Variants in CCDC171 observed in about 807,000 individuals in gnomAD.
The protein encoded by CCDC171 is coiled-coil domain containing 171.
CCDC171 carries 177 observed loss-of-function variants against 168.2 expected under a neutral mutation model. That is an observed-to-expected ratio of 1.05 (90% CI 0.93 to 1.19). The LOEUF is 1.19. Ranked by LOEUF, CCDC171 falls within the 50% of genes most tolerant of loss-of-function variation. The pLI, the probability that CCDC171 is intolerant of heterozygous loss-of-function variation, is 0.00. For missense variants in CCDC171, 1,991 were observed against 1,539.0 expected (o/e 1.29, Z -4.91); for synonymous variants, 687 against 540.8 (o/e 1.27, Z -3.75).
downstream of CCDC171, among the ~76,000 whole-genome samples, chr9:16,062,972 G>A (rs1319901383): frequency 6.6e-6 from 1 of 152,148 alleles, no homozygotes; most frequent in Non-Finnish European, 1.5e-5. Flanking sequence ...GATGGGGCCA[G>A]GAGAGGAAGA....
At chr9:15,734,503 A>T (rs140797204) in intron 16 of CCDC171, among the ~76,000 whole-genome samples, 1 of 152,242 alleles carries the variant, frequency 6.6e-6, no homozygotes, top group African/African-American at 2.4e-5. Context: ...GCGCCATTTC[A>T]CTCCAGCCTG....
At chr9:15,894,166 T>C (rs190897273) in intron 24 of CCDC171, among the ~76,000 whole-genome samples, 4 of 152,262 alleles carry the variant, frequency 2.6e-5, no homozygotes, top group South Asian at 2.1e-4. Context: ...CTTAACAAAC[T>C]AACATAGGAA....
At chr9:15,655,922 G>A (rs560147398) in intron 7 of CCDC171, among the ~76,000 whole-genome samples, 10 of 152,258 alleles carry the variant, frequency 6.6e-5, no homozygotes, top group South Asian at 2.1e-4. Flanking sequence ...GAAAATGACC[G>A]TAGCAAGTGT....
intron 25 of CCDC171, among the ~76,000 whole-genome samples, chr9:15,932,332 G>C (rs1826627009): frequency 6.6e-6 from 1 of 151,566 alleles, no homozygotes; most frequent in Non-Finnish European, 1.5e-5. Flanking sequence ...TCACATCTTT[G>C]GTTACGTTGC....
At chr9:16,091,252 G>C in the CCDC171 span, among the ~76,000 whole-genome samples, 1 of 152,186 alleles carries the variant, frequency 6.6e-6, no homozygotes, top group African/African-American at 2.4e-5. Context: ...GAAGAGATAA[G>C]AGCCATTTTT....
At chr9:15,899,039 C>A (rs1377052255) in intron 24 of CCDC171, among the ~76,000 whole-genome samples, 5 of 152,134 alleles carry the variant, frequency 3.3e-5, no homozygotes, top group Admixed American at 3.3e-4. Context: ...TTTGTCATTT[C>A]AATAATGTAA....
intron 8 of CCDC171, among the ~76,000 whole-genome samples, chr9:15,660,889 A>AC (rs1210349492): frequency 6.6e-6 from 1 of 152,174 alleles, no homozygotes; most frequent in Non-Finnish European, 1.5e-5. Context: ...TCTTTGAGAA[A>AC]TCTCCACTCC....
chr9:15,571,623 G>C lies in CCDC171; in HGVS notation c.42-1G>C, dbSNP rs1461304398. The stretch of plus-strand genomic sequence containing the variant: ...CATTTTACTGTAATCTCATTTTAAA[G>C]GTTGAAGATTGCCTCATTGGATGTA... On this transcript the variant is annotated splice_acceptor_variant, in intron 2 of 25. Coordinates refer to ENST00000380701, the MANE Select transcript of CCDC171 (RefSeq NM_173550.4). LOFTEE classifies it high-confidence loss of function. 6.5e-7 allele frequency: 1 copy of C among 1,542,150 alleles called. No individual in the cohort carries two copies. The highest frequency in any genetic ancestry group is 2.4e-5 in the Admixed American group (1 of 42,552).
At chr9:15,575,996 G>A (rs763108433) in intron 3 of CCDC171, among the ~76,000 whole-genome samples, 5 of 151,950 alleles carry the variant, frequency 3.3e-5, no homozygotes, top group Non-Finnish European at 7.4e-5. Context: ...GGTGGCTGAG[G>A]TGGGAGACTC....
intron 23 of CCDC171, among the ~76,000 whole-genome samples, chr9:15,864,624 A>G (rs1328424658): frequency 6.6e-6 from 1 of 152,060 alleles, no homozygotes; most frequent in Non-Finnish European, 1.5e-5. Context: ...AAGTATTTCT[A>G]TTGTGTGGGG....
At chr9:15,786,102 A>G (rs1257290673) in intron 21 of CCDC171, among the ~76,000 whole-genome samples, 6 of 152,144 alleles carry the variant, frequency 3.9e-5, no homozygotes, top group Non-Finnish European at 8.8e-5. Flanking sequence ...ATGTTTTTCC[A>G]AATACATGTA....
intron 18 of CCDC171, among the ~76,000 whole-genome samples, chr9:15,772,129 T>C (rs752476133): frequency 1.1e-4 from 17 of 152,178 alleles, no homozygotes; most frequent in Admixed American, 5.2e-4. Flanking sequence ...TCACCACGCC[T>C]GGCCTGCACC....
intron 25 of CCDC171, among the ~76,000 whole-genome samples, chr9:15,930,785 A>G (rs951835710): frequency 6.6e-6 from 1 of 151,776 alleles, no homozygotes; most frequent in Non-Finnish European, 1.5e-5. Flanking sequence ...AGACCTATTT[A>G]TAAGAGCTAA....
At chr9:15,994,191 G>A (rs1005625774) in intron 3 of CCDC171, among the ~76,000 whole-genome samples, 3 of 152,128 alleles carry the variant, frequency 2.0e-5, no homozygotes, top group African/African-American at 7.2e-5. Context: ...CAACCCTAAT[G>A]TCCATCAATG....
chr9:15,642,319 A>ATATATG (rs1291640134), intron 7 of CCDC171, among the ~76,000 whole-genome samples: 3 of 142,380 alleles, frequency 2.1e-5, no homozygotes, highest in Admixed American at 7.1e-5. Flanking sequence ...ATACACGTAT[A>ATATATG]TATATATATA....
intron 1 of CCDC171, among the ~76,000 whole-genome samples, chr9:16,052,039 A>G (rs1467387902): frequency 1.1e-4 from 16 of 152,184 alleles, no homozygotes; most frequent in Non-Finnish European, 2.1e-4. Context: ...CCATGATTCA[A>G]TTACCTCCCA....
At chr9:15,994,050 A>G (rs1832291700) in intron 3 of CCDC171, among the ~76,000 whole-genome samples, 1 of 152,222 alleles carries the variant, frequency 6.6e-6, no homozygotes, top group Admixed American at 6.5e-5. Context: ...AGAATCGAGA[A>G]CTAGAAATAC....
intron 21 of CCDC171, among the ~76,000 whole-genome samples, chr9:15,797,426 G>A (rs2058613470): frequency 6.6e-6 from 1 of 152,088 alleles, no homozygotes; most frequent in South Asian, 2.1e-4. Context: ...ATGTTGCCCA[G>A]GCTGGTCTTG....
chr9:15,863,172 A>G (rs552299910), intron 23 of CCDC171, among the ~76,000 whole-genome samples: 2 of 152,080 alleles, frequency 1.3e-5, no homozygotes, highest in Non-Finnish European at 2.9e-5. Context: ...TTGTACGCAC[A>G]GTCCAATTCC....
Sources: gnomAD v4.1 joint callset for allele counts (sites outside exome capture counted in the v4.1 genomes callset) on GRCh38, gnomAD v4.1.1 for gene constraint, MANE v1.5 for transcripts, NCBI Gene and HGNC (gene_info 2026-07-23, HGNC 2026-07-21) for gene names.